Variants in DHRS3 observed in about 807,000 individuals in gnomAD.
DHRS3 encodes dehydrogenase/reductase 3.
Under a neutral mutation model 27.2 loss-of-function variants are expected in DHRS3, and 14 were observed. The observed-to-expected ratio is 0.52, with a 90% CI of 0.34 to 0.81. The LOEUF (loss-of-function observed/expected upper bound fraction) is 0.81, where lower values mean the gene tolerates loss of function less well. Ranked by LOEUF, DHRS3 falls within the 30% of genes least tolerant of loss-of-function variation. The pLI is 0.01. For missense variants in DHRS3, 322 were observed against 406.2 expected, an observed-to-expected ratio of 0.79 and a Z score of 1.78; for synonymous variants, 165 against 175.9, an observed-to-expected ratio of 0.94 and a Z score of 0.49.
At chr1:12,583,015 A>G (rs955387124) in intron 1 of DHRS3, among the ~76,000 whole-genome samples, 2 of 143,058 alleles carry the variant, frequency 1.4e-5, no homozygotes, top group East Asian at 4.2e-4. Flanking sequence ...CACTGTACCC[A>G]CTGTACCCAC....
At chr1:12,570,287 T>C (rs1355419729) in intron 5 of DHRS3, among the ~76,000 whole-genome samples, 1 of 152,212 alleles carries the variant, frequency 6.6e-6, no homozygotes, top group African/African-American at 2.4e-5. Flanking sequence ...AGCCCTGGTG[T>C]AGTCCCCACC....
chr1:12,582,852 T>C lies in DHRS3; in HGVS notation c.196-2186A>G, dbSNP rs574962530. 4.6e-4 allele frequency among the ~76,000 whole-genome samples: 68 copies of C among 149,366 alleles called. No homozygotes were observed. In the East Asian group the frequency reaches 0.013, roughly 29 times the overall value. On this transcript the variant is annotated intron_variant, in intron 1 of 5. Coordinates refer to ENST00000616661, the MANE Select transcript of DHRS3 (RefSeq NM_004753.7). ...TCGTCTACCCAACTCCATCCATCCATCCATCCATCCATCCATCCATCCCTC... is the reference window on the plus strand; with the variant it reads ...TCGTCTACCCAACTCCATCCATCCACCCATCCATCCATCCATCCATCCCTC...
intron 4 of DHRS3, among the ~76,000 whole-genome samples, chr1:12,576,832 G>A (rs374783407): frequency 2.0e-5 from 3 of 149,392 alleles, no homozygotes; most frequent in East Asian, 3.9e-4. Context: ...AATAAAAGCA[G>A]CAGCTCCTTA....
intron 1 of DHRS3, among the ~76,000 whole-genome samples, chr1:12,601,910 G>A (rs1037589014): frequency 2.6e-5 from 4 of 152,182 alleles, no homozygotes; most frequent in Non-Finnish European, 4.4e-5. Context: ...CACACAGTAG[G>A]TGCTCAGTAA....
chr1:12,600,999 C>T (rs1369527020), intron 1 of DHRS3, among the ~76,000 whole-genome samples: 16 of 151,174 alleles, frequency 1.1e-4, no homozygotes, highest in Admixed American at 1.1e-3. Flanking sequence ...TTGGGGGGCG[C>T]GGTGGTAAGG....
intron 1 of DHRS3, among the ~76,000 whole-genome samples, chr1:12,616,210 A>C (rs1646943526): frequency 6.6e-6 from 1 of 152,120 alleles, no homozygotes; most frequent in Non-Finnish European, 1.5e-5. Flanking sequence ...ACAACAGTTT[A>C]AGTTTCAAAC....
intron 1 of DHRS3, among the ~76,000 whole-genome samples, chr1:12,616,192 C>T (rs549951766): frequency 1.3e-5 from 2 of 152,240 alleles, no homozygotes; most frequent in Non-Finnish European, 2.9e-5. Flanking sequence ...CTTTCACCCC[C>T]CTAGTTCACA....
In DHRS3 at chr1:12,617,173, G is replaced by A. The variant is rs1446775815; in HGVS notation, c.176C>T (p.Ala59Val). 1.2e-6 allele frequency: 2 copies of A among 1,612,104 alleles called. No individual in the cohort carries two copies. Among genetic ancestry groups the A allele is most frequent in the Non-Finnish European group, 1.7e-6 (2 of 1,179,656 alleles). The change falls in exon 1 of 6, where the codon GCG becomes GTG. Residue 59 changes from alanine (A) to valine (V), a missense_variant. Coordinates refer to ENST00000616661, the MANE Select transcript of DHRS3 (RefSeq NM_004753.7). Reference sequence around the variant, plus strand: ...TGGTACCTTTCTGGCGCCGCGCTCCGCGAACTCGCGGGCGAGCTGACGCCC... The same window carrying A: ...TGGTACCTTTCTGGCGCCGCGCTCCACGAACTCGCGGGCGAGCTGACGCCC... ...GIGRQLAREF[A>V]ERGARKIVLW...
intron 1 of DHRS3, among the ~76,000 whole-genome samples, chr1:12,601,362 G>A (rs1349065005): frequency 6.6e-6 from 1 of 152,054 alleles, no homozygotes; most frequent in Non-Finnish European, 1.5e-5. Flanking sequence ...GGACTTCTGG[G>A]CAAAGAACAC....
intron 1 of DHRS3, among the ~76,000 whole-genome samples, chr1:12,580,977 C>G (rs1324857491): frequency 6.6e-6 from 1 of 151,974 alleles, no homozygotes; most frequent in Non-Finnish European, 1.5e-5. Flanking sequence ...TGCATGCTAC[C>G]ATACCTAGCT....
At chr1:12,573,216 C>A (rs976917163) in intron 4 of DHRS3, among the ~76,000 whole-genome samples, 1 of 152,216 alleles carries the variant, frequency 6.6e-6, no homozygotes, top group African/African-American at 2.4e-5. Context: ...TCAGGACAGG[C>A]CCATTTCTGT....
intron 1 of DHRS3, among the ~76,000 whole-genome samples, chr1:12,583,070 C>T (rs1256167497): frequency 6.7e-6 from 1 of 148,788 alleles, no homozygotes; most frequent in South Asian, 2.2e-4. Flanking sequence ...CTACCCCATT[C>T]CATTAATCTG....
intron 1 of DHRS3, among the ~76,000 whole-genome samples, chr1:12,610,396 C>T (rs1026578649): frequency 2.6e-5 from 4 of 152,070 alleles, no homozygotes; most frequent in Non-Finnish European, 5.9e-5. Flanking sequence ...TTCTACTGAT[C>T]TTGCTTTTTA....
chr1:12,613,864 G>C (rs1183025180), intron 1 of DHRS3, among the ~76,000 whole-genome samples: 1 of 152,106 alleles, frequency 6.6e-6, no homozygotes. Flanking sequence ...CTACCTCCTG[G>C]GTTCAAGCAC....
At chr1:12,581,291 G>A (rs1646641682) in intron 1 of DHRS3, among the ~76,000 whole-genome samples, 1 of 152,192 alleles carries the variant, frequency 6.6e-6, no homozygotes, top group Non-Finnish European at 1.5e-5. Context: ...AAATGTAGAG[G>A]CAACAGCAGA....
At position 12,578,741 on chromosome 1, in the gene DHRS3, C is replaced by G; in HGVS notation, c.675G>C (p.Glu225Asp). 2 of 1,614,004 alleles carry G rather than the reference C, an allele frequency of 1.2e-6. No homozygotes were observed. Residue 225 changes from glutamate to aspartate, a missense_variant, in exon 4 of 6, where the codon GAG becomes GAC. Coordinates refer to ENST00000616661, the MANE Select transcript of DHRS3 (RefSeq NM_004753.7). This position sits in a 1 kb window ranked among gnomAD's most constrained non-coding sequence, Gnocchi z 4.5. ...TTVLPFHTST[E>D]MFQGMRVRFP... ...ACCTGACTCTCATGCCCTGGAACAT[C>G]TCGGTGCTGGTGTGGAAGGGCAGCA...
Position 12,586,996 on chromosome 1 carries a change from GATA to G in DHRS3, c.196-6333_196-6331del, listed in dbSNP as rs1214966208. ...CTGATACACCCTCTTCACTGCCTCT[GATA>G]CACCCTCTTCACTGCCTCTGATACA... On this transcript the variant is annotated intron_variant, in intron 1 of 5. Coordinates refer to ENST00000616661, the MANE Select transcript of DHRS3 (RefSeq NM_004753.7). The surrounding 1 kb of genome is among the most constrained non-coding windows in gnomAD (Gnocchi z 5.0). 6.6e-6 allele frequency among the ~76,000 whole-genome samples: 1 copy of G among 152,066 alleles called. No homozygotes were observed. Among genetic ancestry groups the G allele is most frequent in the African/African-American group, 2.4e-5 (1 of 41,380 alleles).
chr1:12,579,569 G>A (rs960894874), intron 2 of DHRS3, among the ~76,000 whole-genome samples, 157 bp from the exon 3 acceptor site: 5 of 152,168 alleles, frequency 3.3e-5, no homozygotes, highest in Non-Finnish European at 7.3e-5. Context: ...TCCGCCTCCT[G>A]GGTTCAAGCG....
intron 3 of DHRS3, 63 bp downstream of exon 3, chr1:12,579,230 C>T: frequency 1.9e-6 from 3 of 1,612,756 alleles, no homozygotes; most frequent in Non-Finnish European, 8.5e-7. Flanking sequence ...TCATCCCCTC[C>T]CCTCCATCCT....
Sources: gnomAD v4.1 joint callset for allele counts (sites outside exome capture counted in the v4.1 genomes callset) on GRCh38, gnomAD v4.1.1 for gene constraint, Gnocchi (gnomAD v3.1) non-coding constraint, MANE v1.5 for transcripts, NCBI Gene and HGNC (gene_info 2026-07-23, HGNC 2026-07-21) for gene names.